RGS6: variants seen among roughly 807,000 people sequenced by gnomAD.
The protein encoded by RGS6 is regulator of G protein signaling 6, also known as regulator of G-protein signaling 6.
Under a neutral mutation model 78.5 loss-of-function variants are expected in RGS6, and 30 were observed. The ratio of observed to expected loss-of-function variants is 0.38; its 90% CI spans 0.29 to 0.52. The LOEUF is 0.52. Ranked by LOEUF, RGS6 falls within the 20% of genes least tolerant of loss-of-function variation. RGS6 has a pLI of 0.85. For missense variants in RGS6, 495 were observed against 609.7 expected, an observed-to-expected ratio of 0.81 and a Z score of 1.98; for synonymous variants, 206 against 206.0, an observed-to-expected ratio of 1.00 and a Z score of 0.00.
chr14:71,936,243 G>T (rs904626384), intron 1 of RGS6, among the ~76,000 whole-genome samples: 4 of 151,748 alleles, frequency 2.6e-5, no homozygotes, highest in African/African-American at 9.7e-5. Flanking sequence ...AAAGAAATTG[G>T]AGTCAGATGT....
intron 2 of RGS6, among the ~76,000 whole-genome samples, chr14:72,182,135 CG>C (rs2097180724): frequency 6.6e-6 from 1 of 152,040 alleles, no homozygotes; most frequent in South Asian, 2.1e-4. Context: ...TTAGGCCAGG[CG>C]CAGTGGCTCA....
intron 3 of RGS6, among the ~76,000 whole-genome samples, chr14:72,407,326 C>G (rs939030571): frequency 1.3e-5 from 2 of 152,168 alleles, no homozygotes; most frequent in South Asian, 4.1e-4. Flanking sequence ...TTTGGAGAAC[C>G]GTCTTGGAGT....
the RGS6 span, among the ~76,000 whole-genome samples, chr14:72,598,681 G>A: frequency 1.3e-5 from 2 of 152,222 alleles, no homozygotes; most frequent in Non-Finnish European, 2.9e-5. Context: ...GGAGCAAAGA[G>A]CTTACACCTC....
At chr14:72,140,267 G>A (rs2096521225) in intron 2 of RGS6, among the ~76,000 whole-genome samples, 1 of 151,026 alleles carries the variant, frequency 6.6e-6, no homozygotes, top group Non-Finnish European at 1.5e-5. Flanking sequence ...TGTAGGAAGA[G>A]AAGGAACTAT....
intron 1 of RGS6, among the ~76,000 whole-genome samples, chr14:71,943,541 A>G (rs972202743): frequency 2.0e-5 from 3 of 152,136 alleles, no homozygotes; most frequent in African/African-American, 7.2e-5. Flanking sequence ...TAGTTCTCAC[A>G]TTGGGATTTG....
chr14:72,356,468 C>A (rs2080314404), intron 3 of RGS6, among the ~76,000 whole-genome samples: 1 of 152,116 alleles, frequency 6.6e-6, no homozygotes, highest in Admixed American at 6.5e-5. Context: ...TCAGATCATT[C>A]TTTATAACAG....
chr14:71,952,911 C>G (rs1381203296), intron 1 of RGS6, among the ~76,000 whole-genome samples: 3 of 152,114 alleles, frequency 2.0e-5, no homozygotes, highest in Non-Finnish European at 4.4e-5. Context: ...CTTCTTAGGT[C>G]CCCTGGGAAC....
Position 72,553,551 on chromosome 14 carries a change from TG to T in RGS6, c.1423-8865del, listed in dbSNP as rs1435581374. 6.6e-5 allele frequency among the ~76,000 whole-genome samples: 10 copies of T among 152,202 alleles called. 1 individual carries two copies. The highest frequency in any genetic ancestry group is 2.1e-4 in the South Asian group (1 of 4,824). On this transcript the variant is annotated intron_variant, in intron 17 of 17. Transcript: ENST00000553525. ...GTCTCTGTTTTTTCTGCCCATTTTT[TG>T]TACCCATAGTTTTTCTCTCCTAAGA...
At chr14:72,535,773 G>A (rs1382210502) in intron 15 of RGS6, among the ~76,000 whole-genome samples, 1 of 152,196 alleles carries the variant, frequency 6.6e-6, no homozygotes, top group African/African-American at 2.4e-5. Context: ...TTTCAAGAAT[G>A]TTATGTAAAT....
chr14:72,610,516 T>C, the RGS6 span, among the ~76,000 whole-genome samples: 1 of 152,270 alleles, frequency 6.6e-6, no homozygotes, highest in African/African-American at 2.4e-5. Context: ...TTAGCAGAGA[T>C]GCTCCATGTC....
intron 2 of RGS6, among the ~76,000 whole-genome samples, chr14:72,320,410 C>T (rs1370838184): frequency 6.6e-6 from 1 of 151,742 alleles, no homozygotes; most frequent in Non-Finnish European, 1.5e-5. Context: ...AACCACATCT[C>T]TACCAAAAAA....
At chr14:72,349,511 T>TG (rs1350135361) in intron 2 of RGS6, among the ~76,000 whole-genome samples, 1 of 152,172 alleles carries the variant, frequency 6.6e-6, no homozygotes, top group Non-Finnish European at 1.5e-5. Flanking sequence ...ATTAATACCA[T>TG]GGGGGAGTCA....
chr14:72,172,755 A>G (rs2097043163), intron 2 of RGS6, among the ~76,000 whole-genome samples: 1 of 152,216 alleles, frequency 6.6e-6, no homozygotes, highest in African/African-American at 2.4e-5. Context: ...GCATTACAAC[A>G]GTGACCGAAA....
chr14:72,058,471 C>A (rs1345921862), intron 2 of RGS6, among the ~76,000 whole-genome samples: 1 of 150,294 alleles, frequency 6.7e-6, no homozygotes, highest in Non-Finnish European at 1.5e-5. Flanking sequence ...TTAATTTATT[C>A]TTTATAACAG....
chr14:72,525,953 G>C (rs2097111581), intron 15 of RGS6, among the ~76,000 whole-genome samples: 1 of 152,148 alleles, frequency 6.6e-6, no homozygotes, highest in African/African-American at 2.4e-5. Flanking sequence ...ATCCAGTTCT[G>C]TTTATTACCA....
In RGS6 at chr14:72,465,855, G is replaced by A. The variant is rs75036480; in HGVS notation, c.459+33G>A. 0.09 allele frequency: 139,591 copies of A among 1,555,482 alleles called. 7,395 individuals are homozygous for A. The highest frequency in any genetic ancestry group is 0.098 in the Non-Finnish European group (110,917 of 1,127,364). On this transcript the variant is annotated intron_variant, in intron 7 of 17. Transcript: ENST00000553525. ...TGATTATTTTCCAGGATACATATAA[G>A]AAGAGAGTAAAATCATATCTGCAGC...
chr14:72,150,312 C>T (rs2096665255), intron 2 of RGS6, among the ~76,000 whole-genome samples: 1 of 152,132 alleles, frequency 6.6e-6, no homozygotes, highest in Non-Finnish European at 1.5e-5. Flanking sequence ...GGATTCTTCC[C>T]TAGAGCCTTC....
intron 16 of RGS6, among the ~76,000 whole-genome samples, chr14:72,539,712 A>G (rs2097296034): frequency 6.6e-6 from 1 of 152,174 alleles, no homozygotes; most frequent in Admixed American, 6.5e-5. Context: ...CAAGCTGCTC[A>G]AACCCACCGA....
intron 17 of RGS6, among the ~76,000 whole-genome samples, chr14:72,554,320 G>A (rs960650832): frequency 2.0e-5 from 3 of 152,212 alleles, no homozygotes; most frequent in African/African-American, 7.2e-5. Context: ...AGTCCTCATA[G>A]GTCCTCAGGA....
Sources: allele counts gnomAD v4.1 joint callset (sites outside exome capture counted in the v4.1 genomes callset), GRCh38; gene constraint gnomAD v4.1.1; transcripts MANE v1.5; gene names NCBI Gene and HGNC (gene_info 2026-07-23, HGNC 2026-07-21).